The following DAB1 variants were observed in gnomAD, a reference collection of about 807,000 sequenced individuals.
The protein encoded by DAB1 is disabled homolog 1.
DAB1 carries 15 observed loss-of-function variants against 64.6 expected under a neutral mutation model. The ratio of observed to expected loss-of-function variants is 0.23; its 90% confidence interval spans 0.16 to 0.36. The LOEUF is 0.36. Ranked by LOEUF, DAB1 falls within the 10% of genes least tolerant of loss-of-function variation. DAB1 has a pLI of 1.00. For missense variants in DAB1, 596 were observed against 706.7 expected (o/e 0.84, Z 1.78); for synonymous variants, 235 against 251.9 (o/e 0.93, Z 0.64).
intron 2 of DAB1, among the ~76,000 whole-genome samples, chr1:57,233,255 CTTTTTTTTT>C (rs1186221366): frequency 3.3e-5 from 2 of 60,804 alleles, no homozygotes; most frequent in South Asian, 2.0e-3. Flanking sequence ...TGCTCCGATT[CTTTTTTTTT>C]TTTTTTTTTT....
intron 1 of DAB1, among the ~76,000 whole-genome samples, chr1:57,388,796 A>C (rs1570428511): frequency 6.6e-6 from 1 of 150,980 alleles, no homozygotes; most frequent in Admixed American, 6.6e-5. Context: ...TTACTTTATC[A>C]CTCTCCTACT....
At chr1:58,188,095 G>A (rs1657190213) in intron 4 of DAB1, among the ~76,000 whole-genome samples, 1 of 150,408 alleles carries the variant, frequency 6.6e-6, no homozygotes, top group African/African-American at 2.5e-5. Context: ...TTTTAGTAGA[G>A]ATGGGGTTTC....
intron 4 of DAB1, among the ~76,000 whole-genome samples, chr1:58,163,949 T>G (rs757400280): frequency 2.6e-5 from 4 of 152,178 alleles, no homozygotes; most frequent in Non-Finnish European, 4.4e-5. Flanking sequence ...AATATGCTTT[T>G]CTACCCACAC....
At chr1:57,771,665 C>T (rs1479112790) in intron 6 of DAB1, among the ~76,000 whole-genome samples, 10 of 152,224 alleles carry the variant, frequency 6.6e-5, no homozygotes, top group Admixed American at 5.9e-4. Flanking sequence ...TACACCTGTA[C>T]ATCTACCACC....
At chr1:58,421,284 T>C (rs1304573362) in intron 3 of DAB1, among the ~76,000 whole-genome samples, 2 of 152,200 alleles carry the variant, frequency 1.3e-5, no homozygotes, top group African/African-American at 2.4e-5. Flanking sequence ...AATACCTAAT[T>C]GGGCTTAATT....
chr1:57,615,044 G>A (rs1645775134), intron 7 of DAB1, among the ~76,000 whole-genome samples: 1 of 151,442 alleles, frequency 6.6e-6, no homozygotes, highest in Admixed American at 6.6e-5. Flanking sequence ...TAATTTTTTT[G>A]TATTTTTAGT....
At chr1:58,428,174 C>T (rs1430267990) in intron 3 of DAB1, among the ~76,000 whole-genome samples, 1 of 152,142 alleles carries the variant, frequency 6.6e-6, no homozygotes, top group Non-Finnish European at 1.5e-5. Flanking sequence ...TTTGTTAACC[C>T]CTGATGAAAT....
At chr1:57,057,608 C>CT (rs199984237) in intron 9 of DAB1, among the ~76,000 whole-genome samples, 46,640 of 136,544 alleles carry the variant, frequency 0.34, 8,831 homozygotes, top group African/African-American at 0.5. Context: ...TACACTGATT[C>CT]TTTTTTTTTT....
chr1:57,887,147 A>G (rs1490883298), upstream of DAB1, among the ~76,000 whole-genome samples: 1 of 152,168 alleles, frequency 6.6e-6, no homozygotes, highest in Non-Finnish European at 1.5e-5. Context: ...CAGTATATGC[A>G]AAGCCTTCTT....
chr1:57,460,757 C>T lies in DAB1; in HGVS notation n.626-169591G>A, dbSNP rs568986370. ...CTGCATAGGTACATTCGCCAGCCCT[C>T]GGCCACAATAAGGAAGGTCCTGCAG... On this transcript the variant is annotated intron_variant and non_coding_transcript_variant, in intron 7 of 20. Coordinates refer to the DAB1 transcript ENST00000485760. Among the ~76,000 whole-genome samples, 13 of 152,212 alleles carry T rather than the reference C, an allele frequency of 8.5e-5. No individual in the cohort carries two copies. The South Asian group carries it at 2.5e-3, about 29-fold the overall frequency.
At chr1:58,375,598 G>A (rs201790485) in intron 3 of DAB1, among the ~76,000 whole-genome samples, 1 of 149,128 alleles carries the variant, frequency 6.7e-6, no homozygotes, top group South Asian at 2.1e-4. Flanking sequence ...TTTTATTGAA[G>A]ATTTTTGCAT....
chr1:57,872,929 C>T (rs1489894668), intron 1 of DAB1, among the ~76,000 whole-genome samples: 2 of 152,120 alleles, frequency 1.3e-5, no homozygotes, highest in South Asian at 2.1e-4. Flanking sequence ...TGGATAGTTT[C>T]CAATGAGTAA....
chr1:57,397,289 G>A (rs935224802), intron 1 of DAB1, among the ~76,000 whole-genome samples: 3 of 152,148 alleles, frequency 2.0e-5, no homozygotes, highest in Non-Finnish European at 2.9e-5. Flanking sequence ...CCACATGACA[G>A]TTTCCTAACT....
chr1:57,612,610 C>G (rs1645742020), intron 7 of DAB1, among the ~76,000 whole-genome samples: 1 of 152,086 alleles, frequency 6.6e-6, no homozygotes, highest in Non-Finnish European at 1.5e-5. Flanking sequence ...GAAAAGGTAA[C>G]AAAGTGGATT....
intron 9 of DAB1, among the ~76,000 whole-genome samples, chr1:57,056,288 C>A (rs1414961527): frequency 6.8e-6 from 1 of 147,168 alleles, no homozygotes; most frequent in Non-Finnish European, 1.5e-5. Flanking sequence ...TGCTTCGGGC[C>A]AGGAATTCAA....
chr1:57,011,735 C>T (rs913638265), intron 12 of DAB1, among the ~76,000 whole-genome samples: 4 of 152,202 alleles, frequency 2.6e-5, no homozygotes, highest in Non-Finnish European at 5.9e-5. Flanking sequence ...ATGTGTCAAA[C>T]ACTGTTAGAA....
intron 4 of DAB1, among the ~76,000 whole-genome samples, chr1:57,101,891 C>T (rs55706301): frequency 0.035 from 5,349 of 152,246 alleles, 168 homozygotes; most frequent in African/African-American, 0.077. Flanking sequence ...ATTTAGTTTA[C>T]AGATGAGGAC....
At chr1:58,504,472 C>T (rs910370070) in intron 3 of DAB1, among the ~76,000 whole-genome samples, 2 of 152,170 alleles carry the variant, frequency 1.3e-5, no homozygotes, top group Non-Finnish European at 2.9e-5. Flanking sequence ...ACTAGTACCC[C>T]TTCTCTGCTG....
chr1:57,735,623 T>G (rs953666068), intron 6 of DAB1, among the ~76,000 whole-genome samples: 5 of 134,322 alleles, frequency 3.7e-5, no homozygotes, highest in South Asian at 2.3e-4. Flanking sequence ...TTTTTTTTTT[T>G]TTTTTTTTTT....
Sources: gnomAD v4.1 joint callset for allele counts (sites outside exome capture counted in the v4.1 genomes callset) on GRCh38, gnomAD v4.1.1 for gene constraint, MANE v1.5 for transcripts, NCBI Gene and HGNC (gene_info 2026-07-23, HGNC 2026-07-21) for gene names.